PTPRK: variants seen among roughly 807,000 people sequenced by gnomAD.
PTPRK encodes receptor-type tyrosine-protein phosphatase kappa.
PTPRK carries 75 observed loss-of-function variants against 178.0 expected under a neutral mutation model. The observed-to-expected ratio is 0.42, with a 90% CI of 0.35 to 0.51. PTPRK has a LOEUF of 0.51. PTPRK is among the 20% of genes least tolerant of loss of function. PTPRK has a pLI of 0.02. For missense variants in PTPRK, 1,441 were observed against 1,797.8 expected, an observed-to-expected ratio of 0.80 and a Z score of 3.59; for synonymous variants, 637 against 620.6, an observed-to-expected ratio of 1.03 and a Z score of -0.39.
At chr6:128,247,234 A>G (rs1425437995) in intron 3 of PTPRK, among the ~76,000 whole-genome samples, 1 of 152,188 alleles carries the variant, frequency 6.6e-6, no homozygotes, top group Non-Finnish European at 1.5e-5. Context: ...GAAAAATCTG[A>G]AAAAAATTTC....
At chr6:128,074,771 C>A (rs4496822) in intron 11 of PTPRK, among the ~76,000 whole-genome samples, 5,147 of 152,092 alleles carry the variant, frequency 0.034, 215 homozygotes, top group African/African-American at 0.087. Flanking sequence ...AACAGAAGGA[C>A]AATGTGGTTG....
At chr6:128,517,084 GCA>G (rs1049856949) in intron 1 of PTPRK, among the ~76,000 whole-genome samples, 1 of 150,928 alleles carries the variant, frequency 6.6e-6, no homozygotes, top group African/African-American at 2.4e-5. Flanking sequence ...ACACACACAT[GCA>G]CACACACACG....
At chr6:128,110,843 T>G (rs1156487453) in intron 7 of PTPRK, among the ~76,000 whole-genome samples, 1 of 152,124 alleles carries the variant, frequency 6.6e-6, no homozygotes, top group East Asian at 1.9e-4. Context: ...TCACATGGGT[T>G]TTCAAAATGA....
intron 6 of PTPRK, among the ~76,000 whole-genome samples, chr6:128,195,755 CA>C (rs887076475): frequency 6.6e-6 from 1 of 151,732 alleles, no homozygotes; most frequent in East Asian, 1.9e-4. Context: ...CTCTTTGGAT[CA>C]AAAAAACATA....
intron 7 of PTPRK, among the ~76,000 whole-genome samples, chr6:128,117,560 T>C (rs1286882773): frequency 6.6e-6 from 1 of 152,258 alleles, no homozygotes; most frequent in Non-Finnish European, 1.5e-5. Context: ...CAGTTTTCTG[T>C]ATTTTTTAGT....
chr6:128,274,321 C>T (rs1339515721), intron 3 of PTPRK, among the ~76,000 whole-genome samples: 5 of 152,082 alleles, frequency 3.3e-5, no homozygotes, highest in Non-Finnish European at 7.4e-5. Context: ...CCCTGACAAA[C>T]TAAATTCCAT....
intron 1 of PTPRK, among the ~76,000 whole-genome samples, chr6:128,448,652 T>C (rs1465068781): frequency 6.6e-6 from 1 of 152,176 alleles, no homozygotes; most frequent in Non-Finnish European, 1.5e-5. Context: ...CTAATCTGTT[T>C]GGGATGAGAC....
At chr6:128,380,855 A>G (rs961310370) in intron 2 of PTPRK, among the ~76,000 whole-genome samples, 3 of 152,196 alleles carry the variant, frequency 2.0e-5, no homozygotes, top group Non-Finnish European at 2.9e-5. Flanking sequence ...ATCTGAAAAC[A>G]GGTTAAAAAA....
intron 1 of PTPRK, among the ~76,000 whole-genome samples, chr6:128,463,739 C>CT (rs1849377768): frequency 7.3e-6 from 1 of 137,556 alleles, no homozygotes; most frequent in Non-Finnish European, 1.5e-5. Flanking sequence ...TCAATCTTCA[C>CT]GGTTTTTTTT....
chr6:128,131,100 G>A (rs907531941), intron 7 of PTPRK, among the ~76,000 whole-genome samples: 10 of 152,072 alleles, frequency 6.6e-5, no homozygotes, highest in African/African-American at 1.2e-4. Flanking sequence ...AAGGGGTGTG[G>A]TACATTGAAG....
At position 128,262,821 on chromosome 6, in the gene PTPRK, T is replaced by C. The variant is rs192821806; in HGVS notation, c.496-20219A>G. On this transcript the variant is annotated intron_variant, in intron 3 of 29. Transcript: ENST00000368226. ...TTAAATGGTACTTCTTTTTTTTTTT[T>C]CCCAAGAATTTTTAGGTGGGTCCAA... Among the ~76,000 whole-genome samples, 881 of 147,754 alleles carry C rather than the reference T, an allele frequency of 6.0e-3. 10 individuals are homozygous for C. The highest frequency in any genetic ancestry group is 0.021 in the African/African-American group (825 of 39,868).
At chr6:128,052,473 C>T (rs189392087) in intron 13 of PTPRK, among the ~76,000 whole-genome samples, 8 of 152,226 alleles carry the variant, frequency 5.3e-5, no homozygotes, top group South Asian at 2.1e-4. Context: ...CAAGGCCTTA[C>T]GTTTTTGAAA....
intron 7 of PTPRK, among the ~76,000 whole-genome samples, chr6:128,117,581 A>G (rs976680457): frequency 6.6e-6 from 1 of 152,138 alleles, no homozygotes; most frequent in Non-Finnish European, 1.5e-5. Flanking sequence ...CTCCAGCTTA[A>G]TTCATTTTTA....
At chr6:128,294,937 G>A (rs1455526664) in intron 3 of PTPRK, among the ~76,000 whole-genome samples, 4 of 62,506 alleles carry the variant, frequency 6.4e-5, no homozygotes, top group Admixed American at 3.6e-4. Context: ...AGACTTTGAG[G>A]AACAAAGAGT....
intron 11 of PTPRK, among the ~76,000 whole-genome samples, chr6:128,075,983 GATA>G (rs1214882051): frequency 6.6e-6 from 1 of 151,980 alleles, no homozygotes; most frequent in Non-Finnish European, 1.5e-5. Context: ...GATTTAGTTG[GATA>G]ATATGTAGTT....
intron 2 of PTPRK, among the ~76,000 whole-genome samples, chr6:128,384,531 T>C (rs1433514807): frequency 6.6e-6 from 1 of 152,172 alleles, no homozygotes; most frequent in Non-Finnish European, 1.5e-5. Context: ...ATGTGGCTGG[T>C]GGGCCATGGG....
intron 3 of PTPRK, among the ~76,000 whole-genome samples, chr6:128,308,669 G>C (rs1826800454): frequency 6.6e-6 from 1 of 152,096 alleles, no homozygotes; most frequent in Non-Finnish European, 1.5e-5. Flanking sequence ...ACGCATGAAA[G>C]GAATAGCAAC....
intron 13 of PTPRK, among the ~76,000 whole-genome samples, chr6:128,037,466 T>A (rs1447277216): frequency 6.6e-6 from 1 of 152,168 alleles, no homozygotes; most frequent in South Asian, 2.1e-4. Context: ...TCTTGGAGCC[T>A]CCTAGAACAT....
intron 7 of PTPRK, among the ~76,000 whole-genome samples, chr6:128,112,157 A>G (rs982912221): frequency 6.6e-6 from 1 of 152,106 alleles, no homozygotes; most frequent in Non-Finnish European, 1.5e-5. Flanking sequence ...AATTTTAGAA[A>G]CTGACTTTTA....
Sources: gnomAD v4.1 joint callset for allele counts (sites outside exome capture counted in the v4.1 genomes callset) on GRCh38, gnomAD v4.1.1 for gene constraint, MANE v1.5 for transcripts, NCBI Gene and HGNC (gene_info 2026-07-23, HGNC 2026-07-21) for gene names.